The following CCDC60 variants were observed in gnomAD, a reference collection of about 807,000 sequenced individuals.
The protein encoded by CCDC60 is coiled-coil domain containing 60.
Under a neutral mutation model 63.5 loss-of-function variants are expected in CCDC60, and 54 were observed. The observed-to-expected ratio is 0.85, with a 90% CI of 0.68 to 1.07. The LOEUF (loss-of-function observed/expected upper bound fraction) is 1.07. CCDC60 is among the 50% of genes least tolerant of loss of function. The probability of loss-of-function intolerance (pLI) is 0.00; values close to 1 mark genes in which losing one functional copy is unlikely to be tolerated. For synonymous variants in CCDC60, 206 were observed against 238.8 expected (o/e 0.86, Z 1.27); for missense variants, 651 against 684.3 (o/e 0.95, Z 0.54).
chr12:119,398,749 T>C (rs1334751533), intron 1 of CCDC60, among the ~76,000 whole-genome samples: 1 of 152,256 alleles, frequency 6.6e-6, no homozygotes. Context: ...TGAGGATCCC[T>C]TTATAGTCTT....
At chr12:119,369,380 G>C (rs1439039831) in intron 1 of CCDC60, among the ~76,000 whole-genome samples, 1 of 152,186 alleles carries the variant, frequency 6.6e-6, no homozygotes, top group Non-Finnish European at 1.5e-5. Flanking sequence ...CCTGGGGGAT[G>C]GGGGAAGCTT....
At chr12:119,414,973 T>C (rs890995744) in intron 1 of CCDC60, among the ~76,000 whole-genome samples, 2 of 152,240 alleles carry the variant, frequency 1.3e-5, no homozygotes, top group African/African-American at 4.8e-5. Flanking sequence ...GGACAGTTAT[T>C]TTTTAATAAC....
chr12:119,453,118 T>A (rs1950664550), intron 2 of CCDC60, among the ~76,000 whole-genome samples: 1 of 152,176 alleles, frequency 6.6e-6, no homozygotes, highest in Admixed American at 6.5e-5. Flanking sequence ...TGAGCCACCA[T>A]ACCCAGCCAG....
intron 6 of CCDC60, among the ~76,000 whole-genome samples, chr12:119,502,826 T>A (rs1951888620): frequency 6.6e-6 from 1 of 152,188 alleles, no homozygotes. Context: ...CAGTGCTCAC[T>A]GCAAGATTCC....
At chr12:119,496,903 T>C (rs1273362190) in intron 5 of CCDC60, among the ~76,000 whole-genome samples, 1 of 152,180 alleles carries the variant, frequency 6.6e-6, no homozygotes, top group African/African-American at 2.4e-5. Flanking sequence ...GGATATTAAA[T>C]GGGTGAGCTA....
intron 1 of CCDC60, among the ~76,000 whole-genome samples, chr12:119,336,153 G>A: frequency 6.6e-6 from 1 of 151,034 alleles, no homozygotes; most frequent in Non-Finnish European, 1.5e-5. Context: ...TAGATGACGA[G>A]TTAGTGGGTG....
chr12:119,337,536 T>A (rs1265662886), intron 1 of CCDC60, among the ~76,000 whole-genome samples: 2 of 152,226 alleles, frequency 1.3e-5, no homozygotes, highest in Admixed American at 1.3e-4. Flanking sequence ...GCACAGTTCC[T>A]GACATATAGT....
chr12:119,523,054 C>T (rs1952573972), intron 10 of CCDC60, 53 bp downstream of exon 10: 2 of 1,456,392 alleles, frequency 1.4e-6, no homozygotes, highest in South Asian at 1.1e-5. Context: ...ATGGTGACCA[C>T]ACCCTCTATC....
At chr12:119,406,481 G>A (rs1956493648) in intron 1 of CCDC60, among the ~76,000 whole-genome samples, 1 of 151,996 alleles carries the variant, frequency 6.6e-6, no homozygotes, top group Non-Finnish European at 1.5e-5. Flanking sequence ...CTGCCAAGAA[G>A]CCACTCTTTG....
At chr12:119,370,876 A>G (rs1592997762) in intron 1 of CCDC60, among the ~76,000 whole-genome samples, 1 of 152,136 alleles carries the variant, frequency 6.6e-6, no homozygotes, top group Non-Finnish European at 1.5e-5. Flanking sequence ...AAATATTTTC[A>G]AAAAACTTAG....
chr12:119,540,532 C>CCAGG (rs1187403612), intron 13 of CCDC60, 82 bp from the exon 14 acceptor site: 1 of 970,108 alleles, frequency 1.0e-6, no homozygotes, highest in Non-Finnish European at 1.6e-6. Flanking sequence ...CACAAATCTT[C>CCAGG]CAGGATCTTG....
chr12:119,416,644 A>T (rs564393522), intron 1 of CCDC60, among the ~76,000 whole-genome samples: 6 of 152,370 alleles, frequency 3.9e-5, no homozygotes, highest in African/African-American at 1.4e-4. Flanking sequence ...TTTTACTTCA[A>T]AACAACTCTA....
At position 119,376,398 on chromosome 12, in the gene CCDC60, C is replaced by T. The variant is rs945491117; in HGVS notation, c.90+41132C>T. On this transcript the variant is annotated intron_variant, in intron 1 of 13. Coordinates refer to ENST00000327554, the MANE Select transcript of CCDC60 (RefSeq NM_178499.5). ...ATCGCAGCACTTTGGGAAGCTGAGG[C>T]GGGCAGATCGCTTGAGTCCAGGAGT... Among the ~76,000 whole-genome samples the T allele has an allele frequency of 8.5e-5, 13 of 152,210 alleles. No individual in the cohort carries two copies. In the East Asian group the frequency reaches 1.4e-3, roughly 16 times the overall value.
At chr12:119,535,481 G>A (rs1952975105) in intron 13 of CCDC60, among the ~76,000 whole-genome samples, 1 of 151,970 alleles carries the variant, frequency 6.6e-6, no homozygotes, top group Non-Finnish European at 1.5e-5. Flanking sequence ...GCTCTTGCTT[G>A]TCTAGTTCTT....
At chr12:119,360,062 C>T (rs1421090770) in intron 1 of CCDC60, among the ~76,000 whole-genome samples, 3 of 151,946 alleles carry the variant, frequency 2.0e-5, no homozygotes, top group Non-Finnish European at 4.4e-5. Flanking sequence ...ACCTCCCAGA[C>T]GGGGTGGTGG....
intron 1 of CCDC60, among the ~76,000 whole-genome samples, chr12:119,426,020 G>A (rs193153162): frequency 3.4e-4 from 52 of 152,260 alleles, no homozygotes; most frequent in African/African-American, 1.1e-3. Context: ...ACAAACGAAT[G>A]TTCATTATGC....
intron 2 of CCDC60, among the ~76,000 whole-genome samples, chr12:119,452,933 C>G (rs1950661175): frequency 6.6e-6 from 1 of 152,164 alleles, no homozygotes; most frequent in African/African-American, 2.4e-5. Flanking sequence ...AGCAATTCCC[C>G]TGCCTCAACC....
intron 13 of CCDC60, among the ~76,000 whole-genome samples, chr12:119,535,864 T>C (rs1032552835): frequency 2.6e-5 from 4 of 152,318 alleles, no homozygotes; most frequent in Middle Eastern, 3.4e-3. Flanking sequence ...ATAAGTGCGA[T>C]GTGGTGCTAA....
rs1289393630 is a variant in CCDC60, at chr12:119,420,325, G to A, written c.91-8358G>A. Reference sequence around the variant, plus strand: ...TACCTCACTCTCCCCAAAAGGAACTGCCTATCAACACCATAAAACCACCAA... The same window carrying A: ...TACCTCACTCTCCCCAAAAGGAACTACCTATCAACACCATAAAACCACCAA... On this transcript the variant is annotated intron_variant, in intron 1 of 13. Coordinates refer to ENST00000327554, the MANE Select transcript of CCDC60 (RefSeq NM_178499.5). The surrounding 1 kb of genome is among the most constrained non-coding windows in gnomAD (Gnocchi z 4.1). Among the ~76,000 whole-genome samples, 1 of 152,094 alleles carries A rather than the reference G, an allele frequency of 6.6e-6. No individual in the cohort carries two copies. The highest frequency in any genetic ancestry group is 1.5e-5 in the Non-Finnish European group (1 of 68,028).
Sources: gnomAD v4.1 joint callset for allele counts (sites outside exome capture counted in the v4.1 genomes callset) on GRCh38, gnomAD v4.1.1 for gene constraint, Gnocchi (gnomAD v3.1) non-coding constraint, MANE v1.5 for transcripts, NCBI Gene and HGNC (gene_info 2026-07-23, HGNC 2026-07-21) for gene names.